The following ZFHX3 variants were observed in gnomAD, a reference collection of about 807,000 sequenced individuals.
ZFHX3 encodes zinc finger homeobox protein 3.
A neutral mutation model predicts 279.1 loss-of-function variants in ZFHX3; 42 were observed. The ratio of observed to expected loss-of-function variants is 0.15; its 90% CI spans 0.12 to 0.19. The LOEUF is 0.19. Ranked by LOEUF, ZFHX3 falls within the 10% of genes least tolerant of loss-of-function variation. ZFHX3 has a pLI of 1.00. For missense variants in ZFHX3, 4,981 were observed against 4,754.0 expected (o/e 1.05, Z -1.40); for synonymous variants, 2,293 against 1,957.8 (o/e 1.17, Z -4.52).
At position 73,433,549 on chromosome 16, in the gene ZFHX3, C is replaced by T. The variant is rs565870746; in HGVS notation, c.-1291+22454G>A. On this transcript the variant is annotated intron_variant, in intron 3 of 17. Coordinates refer to the ZFHX3 transcript ENST00000641206. ...TGATAAGGCCCCTCCTGGCAACCGA[C>T]GCCCACCCCAGCTGGAGAGGCATTC... Among the ~76,000 whole-genome samples the T allele has an allele frequency of 1.8e-3, 277 of 152,298 alleles. 1 individual carries two copies. The highest frequency in any genetic ancestry group is 6.3e-3 in the African/African-American group (263 of 41,558).
chr16:73,669,336 G>A (rs940388999), intron 2 of ZFHX3, among the ~76,000 whole-genome samples: 14 of 152,318 alleles, frequency 9.2e-5, no homozygotes, highest in Non-Finnish European at 1.3e-4. Context: ...TTACAGGCGT[G>A]AGCCACCATG....
intron 1 of ZFHX3, among the ~76,000 whole-genome samples, chr16:73,743,424 T>A (rs765327804): frequency 1.3e-5 from 2 of 152,224 alleles, no homozygotes; most frequent in Non-Finnish European, 2.9e-5. Flanking sequence ...GAAGCATTTC[T>A]GTTTGGTCAA....
rs140833041 is a variant in ZFHX3 at position 73,786,844 on chromosome 16, T to C, written c.-1608+104807A>G. ...AACTTCCAGCCAGTTGTCCTATTCC[T>C]AGCTCTTCCCGTACCCATACCCACA... On this transcript the variant is annotated intron_variant, in intron 1 of 17. Coordinates refer to the ZFHX3 transcript ENST00000641206. Among the ~76,000 whole-genome samples the C allele has an allele frequency of 2.9e-3, 436 of 152,268 alleles. 9 individuals carry two copies. The highest frequency in any genetic ancestry group is 0.026 in the Admixed American group (390 of 15,290).
Position 73,058,341 on chromosome 16 carries a change from GGCGCGGGCGCGGGGA to G in ZFHX3, c.-24+174_-24+188del, listed in dbSNP as rs1341310466. Among the ~76,000 whole-genome samples the G allele has an allele frequency of 1.0e-3, 155 of 148,934 alleles. 1 individual carries two copies. The highest frequency in any genetic ancestry group is 1.8e-3 in the Non-Finnish European group (121 of 66,904). On this transcript the variant is annotated intron_variant, in intron 1 of 8. Transcript: ENST00000397992. ...CGAGCGGGACGCAGCGAGCGAGCAG[GGCGCGGGCGCGGGGA>G]GCGCGGGCGGCGGCGGCCGGGCGCG...
intron 4 of ZFHX3, among the ~76,000 whole-genome samples, chr16:73,316,534 T>C (rs975273803): frequency 7.9e-5 from 12 of 152,230 alleles, no homozygotes; most frequent in African/African-American, 2.9e-4. Context: ...ACCTAGTAGA[T>C]ACTCTTTGAT....
chr16:73,226,332 C>T (rs566367116), intron 5 of ZFHX3, among the ~76,000 whole-genome samples: 1 of 152,358 alleles, frequency 6.6e-6, no homozygotes, highest in Admixed American at 6.5e-5. Flanking sequence ...CTCACAGAAA[C>T]GGCTTCGTCC....
intron 5 of ZFHX3, among the ~76,000 whole-genome samples, chr16:72,818,099 G>C (rs926624600): frequency 6.6e-6 from 1 of 152,080 alleles, no homozygotes; most frequent in Non-Finnish European, 1.5e-5. Context: ...AATTCACATA[G>C]CTCCATACTT....
chr16:73,337,532 A>G lies in ZFHX3; in HGVS notation c.-1290-19196T>C, dbSNP rs1378214671. Reference sequence around the variant, plus strand: ...CACTGTGCACTGAATCCTCCTCCTCATCGCAGCCATTGATCACCTTGCATA... The same window carrying G: ...CACTGTGCACTGAATCCTCCTCCTCGTCGCAGCCATTGATCACCTTGCATA... On this transcript the variant is annotated intron_variant, in intron 3 of 17. Transcript: ENST00000641206. 3.9e-5 allele frequency among the ~76,000 whole-genome samples: 6 copies of G among 152,054 alleles called. No homozygotes were observed. In the East Asian group the frequency reaches 1.2e-3, roughly 29 times the overall value.
At chr16:73,527,756 C>T (rs905581611) in intron 2 of ZFHX3, among the ~76,000 whole-genome samples, 5 of 152,188 alleles carry the variant, frequency 3.3e-5, no homozygotes, top group Admixed American at 6.5e-5. Context: ...TGCATAGCTC[C>T]AGCCACCAGT....
intron 1 of ZFHX3, among the ~76,000 whole-genome samples, chr16:73,771,569 A>G (rs1397777088): frequency 1.3e-5 from 2 of 152,136 alleles, no homozygotes; most frequent in African/African-American, 4.8e-5. Flanking sequence ...TGCTGCACAC[A>G]TGCGCCACAG....
intron 2 of ZFHX3, among the ~76,000 whole-genome samples, chr16:73,479,624 G>A (rs548586215): frequency 2.0e-5 from 3 of 152,278 alleles, no homozygotes; most frequent in African/African-American, 4.8e-5. Context: ...TTGAGGGAGG[G>A]CACTGTGTGT....
intron 7 of ZFHX3, among the ~76,000 whole-genome samples, chr16:73,121,995 C>A (rs943383283): frequency 7.9e-5 from 12 of 152,056 alleles, no homozygotes; most frequent in African/African-American, 2.9e-4. Flanking sequence ...TAATTATATT[C>A]TCTTCATGAA....
intron 1 of ZFHX3, among the ~76,000 whole-genome samples, chr16:72,979,256 G>A (rs575083582): frequency 6.6e-5 from 10 of 152,292 alleles, no homozygotes; most frequent in East Asian, 1.9e-4. Flanking sequence ...GCTTCTCTTC[G>A]GAATACGCAG....
chr16:73,369,109 G>T (rs971477753), intron 3 of ZFHX3, among the ~76,000 whole-genome samples: 1 of 152,172 alleles, frequency 6.6e-6, no homozygotes, highest in African/African-American at 2.4e-5. Context: ...CTCAGTAAAC[G>T]AAAGCATTAT....
intron 1 of ZFHX3, among the ~76,000 whole-genome samples, chr16:73,715,625 T>C (rs151184028): frequency 7.1e-6 from 1 of 140,356 alleles, no homozygotes; most frequent in Non-Finnish European, 1.5e-5. Context: ...CAGGCTGGAA[T>C]GCAATGGTGC....
intron 4 of ZFHX3, among the ~76,000 whole-genome samples, chr16:73,284,309 T>A (rs1342197191): frequency 2.1e-5 from 2 of 94,870 alleles, no homozygotes; most frequent in South Asian, 8.3e-4. Flanking sequence ...AGAGTGAGAC[T>A]CTGTCTCAAA....
At chr16:73,398,856 G>GGT (rs2017186449) in intron 3 of ZFHX3, among the ~76,000 whole-genome samples, 1 of 151,160 alleles carries the variant, frequency 6.6e-6, no homozygotes, top group Non-Finnish European at 1.5e-5. Context: ...AGTGGCAGTG[G>GGT]TTTTTTTTGT....
intron 5 of ZFHX3, among the ~76,000 whole-genome samples, chr16:73,168,211 T>TTTTCCCTTTC (rs1967423222): frequency 2.1e-5 from 2 of 95,222 alleles, no homozygotes; most frequent in African/African-American, 8.0e-5. Context: ...GTTTCTTTTG[T>TTTTCCCTTTC]TTTCTTTCTT....
intron 6 of ZFHX3, among the ~76,000 whole-genome samples, chr16:73,136,641 C>T (rs1047403358): frequency 6.9e-6 from 1 of 145,402 alleles, no homozygotes; most frequent in African/African-American, 2.6e-5. Context: ...GGGAGGATCA[C>T]TTGAACCCAG....
Sources: allele counts gnomAD v4.1 joint callset (sites outside exome capture counted in the v4.1 genomes callset), GRCh38; gene constraint gnomAD v4.1.1; transcripts MANE v1.5; gene names NCBI Gene and HGNC (gene_info 2026-07-23, HGNC 2026-07-21).